CACNA2D3: variants seen among roughly 807,000 people sequenced by gnomAD.
CACNA2D3 encodes calcium voltage-gated channel auxiliary subunit alpha2delta 3.
A neutral mutation model predicts 160.6 loss-of-function variants in CACNA2D3; 60 were observed. That is an observed-to-expected ratio of 0.37 (90% CI 0.30 to 0.46). CACNA2D3 has a LOEUF of 0.46. Among genes scored for constraint, CACNA2D3 ranks in the 20% least tolerant of loss-of-function variants. CACNA2D3 has a pLI of 1.00. For synonymous variants in CACNA2D3, 558 were observed against 492.9 expected, an observed-to-expected ratio of 1.13 and a Z score of -1.75; for missense variants, 1,205 against 1,365.0, an observed-to-expected ratio of 0.88 and a Z score of 1.85.
chr3:54,674,881 G>A (rs140886486), intron 11 of CACNA2D3, among the ~76,000 whole-genome samples: 1 of 152,254 alleles, frequency 6.6e-6, no homozygotes, highest in African/African-American at 2.4e-5. Context: ...AGTAGAAGTC[G>A]GGTAGAAGAC....
At chr3:54,638,617 A>T (rs1052305712) in intron 10 of CACNA2D3, 1 of 151,870 alleles carries the variant, frequency 6.6e-6, no homozygotes, top group African/African-American at 2.4e-5. Flanking sequence ...GTTGGTACTG[A>T]GGGGACAGGC....
At chr3:54,150,027 CTCTT>C (rs1389653527) in intron 2 of CACNA2D3, among the ~76,000 whole-genome samples, 7 of 147,216 alleles carry the variant, frequency 4.8e-5, no homozygotes, top group African/African-American at 1.3e-4. Flanking sequence ...GTCTCTGTCT[CTCTT>C]TCTGTCTCAT....
At chr3:54,710,799 A>G (rs1700939041) in intron 11 of CACNA2D3, among the ~76,000 whole-genome samples, 1 of 152,166 alleles carries the variant, frequency 6.6e-6, no homozygotes, top group Admixed American at 6.6e-5. Flanking sequence ...TTACATTTTA[A>G]GTATGTTTAG....
chr3:54,636,531 A>AT (rs1424692350), intron 10 of CACNA2D3, among the ~76,000 whole-genome samples: 31 of 152,006 alleles, frequency 2.0e-4, no homozygotes, highest in Non-Finnish European at 3.8e-4. Flanking sequence ...ATAGTTTGTG[A>AT]TTTTTAGGGC....
intron 2 of CACNA2D3, among the ~76,000 whole-genome samples, chr3:54,291,366 A>C (rs1380934710): frequency 6.6e-6 from 1 of 152,292 alleles, no homozygotes; most frequent in Non-Finnish European, 1.5e-5. Context: ...ATATTGTCTA[A>C]ATTTTGTCCC....
chr3:54,810,836 A>T (rs533351740), intron 13 of CACNA2D3, among the ~76,000 whole-genome samples: 1 of 152,240 alleles, frequency 6.6e-6, no homozygotes, highest in Admixed American at 6.5e-5. Flanking sequence ...TGAGGTAGAA[A>T]TGAAGTGAAT....
intron 3 of CACNA2D3, among the ~76,000 whole-genome samples, chr3:54,345,642 A>C (rs115723114): frequency 0.026 from 3,957 of 152,226 alleles, 160 homozygotes; most frequent in African/African-American, 0.09. Flanking sequence ...GGAGAACAGG[A>C]AAAGGAAGAC....
intron 27 of CACNA2D3, among the ~76,000 whole-genome samples, chr3:54,953,754 T>G (rs2107023343): frequency 6.6e-6 from 1 of 152,238 alleles, no homozygotes; most frequent in Admixed American, 6.5e-5. Context: ...CTCTGCTAGC[T>G]TGACAGGCTG....
chr3:54,526,295 T>C (rs574354958), intron 5 of CACNA2D3, among the ~76,000 whole-genome samples: 1 of 152,344 alleles, frequency 6.6e-6, no homozygotes, highest in South Asian at 2.1e-4. Flanking sequence ...CTTTGAAGTC[T>C]TTGTCTATTA....
intron 2 of CACNA2D3, among the ~76,000 whole-genome samples, chr3:54,259,226 C>T (rs1380264777): frequency 2.0e-5 from 3 of 152,178 alleles, no homozygotes; most frequent in Non-Finnish European, 4.4e-5. Flanking sequence ...GATGTTATTT[C>T]CACCAGGTTG....
At chr3:54,962,701 T>C (rs1264774071) in intron 27 of CACNA2D3, among the ~76,000 whole-genome samples, 1 of 152,176 alleles carries the variant, frequency 6.6e-6, no homozygotes, top group Non-Finnish European at 1.5e-5. Flanking sequence ...CTGATTGGAA[T>C]TCACTGATGG....
In CACNA2D3 at chr3:55,074,430, T is replaced by C; in HGVS notation, c.*224T>C. The C allele has an allele frequency of 1.8e-6, 1 of 547,948 alleles. No individual in the cohort carries two copies. Among genetic ancestry groups the C allele is most frequent in the Non-Finnish European group, 3.3e-6 (1 of 306,376 alleles). The allele number at this position is 547,948 out of a possible 1,614,324, so 33.9% of individuals were successfully genotyped here. On this transcript the variant is annotated 3_prime_UTR_variant, in exon 38 of 38. Coordinates refer to ENST00000474759, the MANE Select transcript of CACNA2D3 (RefSeq NM_018398.3). ...TTTGCCAGTCATGCAAATGTGAGTT[T>C]GCCACATGATAATCACCCTTCATCA...
rs1491296717 is a variant in CACNA2D3, at chr3:54,661,837, GAT to G, written c.1167+19597_1167+19598del. ...CTATGGTTCACACAGACATCTCAGG[GAT>G]GTGTGTATGTGTGTGTGTGTGTGTG... On this transcript the variant is annotated intron_variant, in intron 11 of 37. Coordinates refer to ENST00000474759, the MANE Select transcript of CACNA2D3 (RefSeq NM_018398.3). 6.4e-3 allele frequency among the ~76,000 whole-genome samples: 224 copies of G among 34,828 alleles called. 5 individuals are homozygous for G. The highest frequency in any genetic ancestry group is 8.1e-3 in the East Asian group (23 of 2,852). The allele number at this position is 34,828 out of a possible 152,430, so 22.8% of individuals were successfully genotyped here. A position where few individuals can be genotyped will look rare whatever the true frequency, so the allele number is the denominator to read the frequency against.
intron 9 of CACNA2D3, among the ~76,000 whole-genome samples, chr3:54,620,369 G>A (rs1469336626): frequency 1.3e-5 from 2 of 152,172 alleles, no homozygotes; most frequent in Non-Finnish European, 2.9e-5. Context: ...ACCTATTAAA[G>A]TGAAGTCCAT....
chr3:54,594,373 A>C (rs1392430619), intron 9 of CACNA2D3, among the ~76,000 whole-genome samples: 3 of 152,188 alleles, frequency 2.0e-5, no homozygotes, highest in Middle Eastern at 3.2e-3. Context: ...CTTGAGTCTT[A>C]GTTTTCCAAT....
chr3:54,641,036 C>T (rs1430656632), intron 10 of CACNA2D3, among the ~76,000 whole-genome samples: 2 of 144,432 alleles, frequency 1.4e-5, no homozygotes, highest in African/African-American at 2.7e-5. Context: ...GTATTTGGAT[C>T]TATTGGAAAA....
At chr3:54,752,422 C>G (rs1019948368) in intron 11 of CACNA2D3, among the ~76,000 whole-genome samples, 177 bp from the exon 12 acceptor site, 1 of 152,130 alleles carries the variant, frequency 6.6e-6, no homozygotes, top group South Asian at 2.1e-4. Flanking sequence ...AGATCAAAGG[C>G]CCCAATTTTG....
intron 4 of CACNA2D3, among the ~76,000 whole-genome samples, chr3:54,440,232 GC>G (rs370645975): frequency 1.5e-3 from 224 of 152,306 alleles, no homozygotes; most frequent in African/African-American, 5.1e-3. Flanking sequence ...ATGCCACCCA[GC>G]TCTGACCTTT....
chr3:54,219,476 A>T (rs933547720), intron 2 of CACNA2D3, among the ~76,000 whole-genome samples: 1 of 152,116 alleles, frequency 6.6e-6, no homozygotes, highest in African/African-American at 2.4e-5. Context: ...AGCATTATGG[A>T]TACCTCCTTA....
Sources: allele counts gnomAD v4.1 joint callset (sites outside exome capture counted in the v4.1 genomes callset), GRCh38; gene constraint gnomAD v4.1.1; transcripts MANE v1.5; gene names NCBI Gene and HGNC (gene_info 2026-07-23, HGNC 2026-07-21).